Variants in ARHGEF28 observed in about 807,000 individuals in gnomAD.
ARHGEF28 encodes 190 kDa guanine nucleotide exchange factor.
Under a neutral mutation model 206.6 loss-of-function variants are expected in ARHGEF28, and 152 were observed. That is an observed-to-expected ratio of 0.74 (90% CI 0.64 to 0.84). The LOEUF is 0.84. Ranked by LOEUF, ARHGEF28 falls within the 40% of genes least tolerant of loss-of-function variation. ARHGEF28 has a pLI of 0.00. For synonymous variants in ARHGEF28, 763 were observed against 776.4 expected (o/e 0.98, Z 0.29); for missense variants, 2,028 against 2,073.2 (o/e 0.98, Z 0.42).
chr5:73,763,174 T>C (rs1237696875), intron 4 of ARHGEF28, among the ~76,000 whole-genome samples: 2 of 152,168 alleles, frequency 1.3e-5, no homozygotes, highest in East Asian at 3.8e-4. Context: ...CCTTCCTCCC[T>C]CCAGATATGG....
intron 21 of ARHGEF28, among the ~76,000 whole-genome samples, chr5:73,870,987 G>T (rs1760071846): frequency 6.6e-6 from 1 of 152,160 alleles, no homozygotes; most frequent in Non-Finnish European, 1.5e-5. Context: ...TCAGGTGGTG[G>T]TTATGGACAT....
intron 4 of ARHGEF28, among the ~76,000 whole-genome samples, chr5:73,771,490 G>A (rs2112442692): frequency 6.6e-6 from 1 of 151,946 alleles, no homozygotes; most frequent in Non-Finnish European, 1.5e-5. Context: ...AGAGGTTGCA[G>A]TGAGCCAAGA....
chr5:73,681,853 AC>A (rs1180452549), intron 1 of ARHGEF28, among the ~76,000 whole-genome samples: 3 of 152,130 alleles, frequency 2.0e-5, no homozygotes, highest in Non-Finnish European at 4.4e-5. Flanking sequence ...TAATCCCAGC[AC>A]TGTGGGAGGC....
At chr5:73,841,551 C>T (rs1465105337) in intron 11 of ARHGEF28, among the ~76,000 whole-genome samples, 1 of 151,650 alleles carries the variant, frequency 6.6e-6, no homozygotes, top group African/African-American at 2.4e-5. Context: ...ACCAAAAATA[C>T]AAAAATTATC....
intron 12 of ARHGEF28, among the ~76,000 whole-genome samples, chr5:73,848,065 G>C (rs1455539595): frequency 6.6e-6 from 1 of 152,186 alleles, no homozygotes; most frequent in Non-Finnish European, 1.5e-5. Flanking sequence ...TTTAATTTTA[G>C]TAAAGAGTTT....
chr5:73,806,777 G>GATATAT lies in ARHGEF28; in HGVS notation c.1024+11386_1024+11387insATATAT, dbSNP rs1561417888. ...CGATATATCGTATACATCTATATGT[G>GATATAT]CCATATATATGATATATCGTATACA... On this transcript the variant is annotated intron_variant, in intron 9 of 35. Transcript: ENST00000513042. Among the ~76,000 whole-genome samples the GATATAT allele has an allele frequency of 4.3e-4, 42 of 98,084 alleles. 4 individuals are homozygous for GATATAT. The highest frequency in any genetic ancestry group is 1.6e-3 in the African/African-American group (38 of 23,916). The allele number at this position is 98,084 out of a possible 152,430, so 64.3% of individuals were successfully genotyped here.
intron 2 of ARHGEF28, among the ~76,000 whole-genome samples, chr5:73,716,077 T>A (rs1749566206): frequency 1.3e-5 from 2 of 152,226 alleles, no homozygotes; most frequent in African/African-American, 4.8e-5. Flanking sequence ...AAGACCAATG[T>A]AAATTTAATT....
intron 9 of ARHGEF28, among the ~76,000 whole-genome samples, chr5:73,823,869 T>G (rs763181903): frequency 6.6e-6 from 1 of 152,230 alleles, no homozygotes; most frequent in Non-Finnish European, 1.5e-5. Flanking sequence ...GTTACTTAAA[T>G]AGCACTGCAG....
chr5:73,843,899 C>T (rs1758139052), intron 11 of ARHGEF28, among the ~76,000 whole-genome samples: 1 of 152,076 alleles, frequency 6.6e-6, no homozygotes, highest in African/African-American at 2.4e-5. Context: ...CATGTCACAC[C>T]ATGAACGTCC....
At chr5:73,919,305 A>G (rs1763389369) in intron 35 of ARHGEF28, among the ~76,000 whole-genome samples, 1 of 152,232 alleles carries the variant, frequency 6.6e-6, no homozygotes, top group Non-Finnish European at 1.5e-5. Context: ...CAGATTGGAA[A>G]TACATTAGAA....
At chr5:73,649,999 T>A (rs1744701517) in intron 1 of ARHGEF28, among the ~76,000 whole-genome samples, 1 of 152,176 alleles carries the variant, frequency 6.6e-6, no homozygotes, top group African/African-American at 2.4e-5. Context: ...TTTCCATAGC[T>A]CTGTGTATGT....
At chr5:73,743,659 A>G (rs867035401) in intron 2 of ARHGEF28, among the ~76,000 whole-genome samples, 3 of 152,032 alleles carry the variant, frequency 2.0e-5, no homozygotes, top group South Asian at 4.1e-4. Flanking sequence ...ACATGCTTCA[A>G]ATCAGATCAG....
At chr5:73,932,418 G>A (rs550114668) in intron 35 of ARHGEF28, among the ~76,000 whole-genome samples, 1 of 152,116 alleles carries the variant, frequency 6.6e-6, no homozygotes, top group Non-Finnish European at 1.5e-5. Context: ...GGAAAAAGTC[G>A]AGGGCTGACT....
chr5:73,701,827 T>A (rs113214895), intron 2 of ARHGEF28, among the ~76,000 whole-genome samples: 4 of 152,348 alleles, frequency 2.6e-5, no homozygotes, highest in African/African-American at 9.6e-5. Context: ...TATTCCATGA[T>A]ATAGGTGTCC....
chr5:73,658,138 T>TAA (rs1224056480), intron 1 of ARHGEF28, among the ~76,000 whole-genome samples: 2 of 128,104 alleles, frequency 1.6e-5, no homozygotes, highest in African/African-American at 5.2e-5. Context: ...AGTCCTTTTT[T>TAA]TAAAAAAAAA....
chr5:73,708,617 C>G (rs1308772769), intron 2 of ARHGEF28, among the ~76,000 whole-genome samples: 1 of 152,150 alleles, frequency 6.6e-6, no homozygotes, highest in African/African-American at 2.4e-5. Context: ...CATTGATGGA[C>G]ATCTGGGTTG....
intron 1 of ARHGEF28, among the ~76,000 whole-genome samples, chr5:73,663,722 C>A (rs573450164): frequency 6.6e-6 from 1 of 152,088 alleles, no homozygotes; most frequent in South Asian, 2.1e-4. Context: ...ATATTCAGGA[C>A]GATTTTTAAA....
At chr5:73,757,411 G>A (rs1261314201) in intron 4 of ARHGEF28, among the ~76,000 whole-genome samples, 1 of 152,132 alleles carries the variant, frequency 6.6e-6, no homozygotes, top group African/African-American at 2.4e-5. Context: ...TCTTACCGAA[G>A]GAGTATTCAT....
At chr5:73,798,498 G>A (rs1297183682) in intron 9 of ARHGEF28, among the ~76,000 whole-genome samples, 1 of 152,150 alleles carries the variant, frequency 6.6e-6, no homozygotes, top group Non-Finnish European at 1.5e-5. Flanking sequence ...GCTCCGCAAG[G>A]AGCTGACATC....
Sources: gnomAD v4.1 joint callset for allele counts (sites outside exome capture counted in the v4.1 genomes callset) on GRCh38, gnomAD v4.1.1 for gene constraint, MANE v1.5 for transcripts, NCBI Gene and HGNC (gene_info 2026-07-23, HGNC 2026-07-21) for gene names.